The following JARID2 variants were observed in gnomAD, a reference collection of about 807,000 sequenced individuals.
The protein encoded by JARID2 is jumonji and AT-rich interaction domain containing 2, also known as protein Jumonji.
Under a neutral mutation model 125.6 loss-of-function variants are expected in JARID2, and 21 were observed. That is an observed-to-expected ratio of 0.17 (90% CI 0.12 to 0.24). The LOEUF (loss-of-function observed/expected upper bound fraction) is 0.24, where lower values mean the gene tolerates loss of function less well. Ranked by LOEUF, JARID2 falls within the 10% of genes least tolerant of loss-of-function variation. The probability of loss-of-function intolerance (pLI) is 1.00; values close to 1 mark genes in which losing one functional copy is unlikely to be tolerated. For missense variants in JARID2, 1,303 were observed against 1,639.6 expected (o/e 0.79, Z 3.55); for synonymous variants, 736 against 661.6 (o/e 1.11, Z -1.73).
intron 6 of JARID2, among the ~76,000 whole-genome samples, chr6:15,494,621 T>A (rs1293334186): frequency 6.6e-6 from 1 of 151,938 alleles, no homozygotes; most frequent in Non-Finnish European, 1.5e-5. Context: ...TGTTAGCCAG[T>A]ATGGTGTCAA....
chr6:15,258,429 G>A (rs902555942), intron 1 of JARID2, among the ~76,000 whole-genome samples: 2 of 152,076 alleles, frequency 1.3e-5, no homozygotes, highest in Non-Finnish European at 2.9e-5. Flanking sequence ...CTTCATTATT[G>A]GCCTCTCAAG....
chr6:15,455,798 G>T (rs1459742523), intron 4 of JARID2, among the ~76,000 whole-genome samples: 1 of 152,208 alleles, frequency 6.6e-6, no homozygotes, highest in Non-Finnish European at 1.5e-5. Flanking sequence ...AAAGTGCTGG[G>T]ATTACAGGCA....
chr6:15,464,846 ATCT>A (rs1768634524), intron 4 of JARID2, among the ~76,000 whole-genome samples: 1 of 152,196 alleles, frequency 6.6e-6, no homozygotes, highest in Admixed American at 6.5e-5. Flanking sequence ...AAGCAGAATC[ATCT>A]TCTAGGTTGA....
At chr6:15,249,846 A>G (rs4715970) in intron 1 of JARID2, among the ~76,000 whole-genome samples, 151,972 of 152,310 alleles carry the variant, frequency 1, 75,817 homozygotes, top group Middle Eastern at 1. Flanking sequence ...AATTGTGTTG[A>G]GCACGACTCC....
intron 2 of JARID2, among the ~76,000 whole-genome samples, chr6:15,404,207 G>A (rs1341640511): frequency 6.6e-6 from 1 of 152,084 alleles, no homozygotes; most frequent in Non-Finnish European, 1.5e-5. Context: ...CCTGTGCCCT[G>A]CTCGCCCCTC....
At chr6:15,295,328 A>C (rs981734263) in intron 1 of JARID2, among the ~76,000 whole-genome samples, 2 of 151,986 alleles carry the variant, frequency 1.3e-5, no homozygotes, top group Non-Finnish European at 2.9e-5. Flanking sequence ...TCACCGTGTT[A>C]GCCAGGATGG....
intron 1 of JARID2, among the ~76,000 whole-genome samples, chr6:15,264,370 T>C (rs993621185): frequency 1.3e-5 from 2 of 152,206 alleles, no homozygotes; most frequent in South Asian, 2.1e-4. Context: ...TGGAATCTTA[T>C]TTATTTCATA....
intron 5 of JARID2, 92 bp from the exon 6 acceptor site, chr6:15,487,215 T>C: frequency 9.8e-7 from 1 of 1,015,528 alleles, no homozygotes; most frequent in Non-Finnish European, 1.5e-6. Flanking sequence ...GACATGAGAT[T>C]TGGGTGGGGA....
chr6:15,252,755 CG>C (rs77404259), intron 1 of JARID2, among the ~76,000 whole-genome samples: 30,123 of 151,354 alleles, frequency 0.2, 3,303 homozygotes, highest in South Asian at 0.36. Flanking sequence ...AATTATCTTT[CG>C]TTTTTTTTCC....
chr6:15,433,024 T>G (rs1767034850), intron 3 of JARID2, among the ~76,000 whole-genome samples: 1 of 152,218 alleles, frequency 6.6e-6, no homozygotes, highest in Non-Finnish European at 1.5e-5. Context: ...GCCTGAGAAT[T>G]TGCATTTCTA....
rs139964834 is a variant in JARID2 at position 15,256,142 on chromosome 6, C to T, written c.45+9558C>T. Among the ~76,000 whole-genome samples, 318 of 152,304 alleles carry T rather than the reference C, an allele frequency of 2.1e-3. 3 individuals are homozygous for T. Among genetic ancestry groups the T allele is most frequent in the Middle Eastern group, 3.4e-3 (1 of 294 alleles). On this transcript the variant is annotated intron_variant, in intron 1 of 17. Transcript: ENST00000341776. ...GCACAAATGCTCAAGGTATTATTAC[C>T]CAGTTGGAAATCACCAACCTGGAGA...
At chr6:15,305,840 CAG>C (rs1278899256) in intron 1 of JARID2, among the ~76,000 whole-genome samples, 1 of 152,148 alleles carries the variant, frequency 6.6e-6, no homozygotes, top group Non-Finnish European at 1.5e-5. Context: ...ATTCCTTGGA[CAG>C]TGTATTATGA....
chr6:15,509,472 A>G (rs1264391155), intron 12 of JARID2: 8 of 467,176 alleles, frequency 1.7e-5, no homozygotes, highest in African/African-American at 1.7e-4. Context: ...CCCTTCCCAC[A>G]TGGGTCTGTG....
intron 5 of JARID2, among the ~76,000 whole-genome samples, chr6:15,472,008 T>TTTAAAAATTTTTTTAATTTTAAAA (rs1234511825): frequency 1.3e-5 from 2 of 152,074 alleles, no homozygotes; most frequent in Admixed American, 1.3e-4. Context: ...TAAAATTTTA[T>TTTAAAAATTTTTTTAATTTTAAAA]TTAAAAATTT....
rs772740335 is a variant in JARID2 at position 15,520,136 on chromosome 6, A to G, written c.3626A>G (p.Asn1209Ser). The change falls in exon 18 of 18, where the codon AAC becomes AGC. Residue 1209 changes from asparagine to serine, a missense_variant. Physicochemically the swap from Asn to Ser is conservative, Grantham distance 46. This residue lies in a region of JARID2 where 75 missense variants were observed against 66.0 expected (regional missense o/e 1.14). Transcript: ENST00000341776. ...KVSGKNGSIENCLSKPTPKRG... is the reference protein window; with the variant it reads ...KVSGKNGSIESCLSKPTPKRG... ...TCTGGTAAAAACGGCAGCATTGAGA[A>G]CTGTCTCAGTAAACCCACACCAAAA... 1 of 1,613,988 alleles carries G rather than the reference A, an allele frequency of 6.2e-7. No homozygotes were observed. Among genetic ancestry groups the G allele is most frequent in the South Asian group, 1.1e-5 (1 of 91,060 alleles).
At chr6:15,250,842 C>G (rs1392039920) in intron 1 of JARID2, among the ~76,000 whole-genome samples, 1 of 152,068 alleles carries the variant, frequency 6.6e-6, no homozygotes, top group Non-Finnish European at 1.5e-5. Context: ...ATACCGTACT[C>G]CAAATGTTAA....
At chr6:15,362,053 C>T (rs1163666241) in intron 1 of JARID2, among the ~76,000 whole-genome samples, 2 of 151,790 alleles carry the variant, frequency 1.3e-5, no homozygotes, top group African/African-American at 4.8e-5. Flanking sequence ...ACCAGCATGC[C>T]CCACTAGTTT....
chr6:15,408,498 CAT>C lies in JARID2; in HGVS notation c.182-1724_182-1723del, dbSNP rs1161724761. Among the ~76,000 whole-genome samples the C allele has an allele frequency of 2.6e-5, 4 of 152,232 alleles. No homozygotes were observed. The East Asian group carries it at 7.7e-4, about 29-fold the overall frequency. ...GGTGGGAAGAGGGATCCCCCACTCG[CAT>C]AGTGACACTACTAATGTGATCTGAG... On this transcript the variant is annotated intron_variant, in intron 2 of 17. Coordinates refer to ENST00000341776, the MANE Select transcript of JARID2 (RefSeq NM_004973.4).
Position 15,366,516 on chromosome 6 carries a change from G to A in JARID2, c.46-7601G>A, listed in dbSNP as rs1189895976. ...CTATATGTGGGTGGGGGGCGGGGGG[G>A]GCGGGGGGGGTGGGGGGTGGGGTTG... is the stretch of plus-strand genomic sequence containing the variant. On this transcript the variant is annotated intron_variant, in intron 1 of 17. Coordinates refer to ENST00000341776, the MANE Select transcript of JARID2 (RefSeq NM_004973.4). Among the ~76,000 whole-genome samples, 4 of 133,690 alleles carry A rather than the reference G, an allele frequency of 3.0e-5. No individual in the cohort carries two copies. In the South Asian group the frequency reaches 7.7e-4, roughly 26 times the overall value. The allele number at this position is 133,690 out of a possible 152,430, so 87.7% of individuals were successfully genotyped here. A position where few individuals can be genotyped will look rare whatever the true frequency, so the allele number is the denominator to read the frequency against.
Sources: allele counts gnomAD v4.1 joint callset (sites outside exome capture counted in the v4.1 genomes callset), GRCh38; gene constraint gnomAD v4.1.1; regional missense constraint gnomAD v4.1.1; transcripts MANE v1.5; gene names NCBI Gene and HGNC (gene_info 2026-07-23, HGNC 2026-07-21).